Variants in MRE11 observed in about 807,000 individuals in gnomAD.
MRE11 encodes double-strand break repair protein MRE11.
MRE11 carries 62 observed loss-of-function variants against 91.7 expected under a neutral mutation model. That is an observed-to-expected ratio of 0.68 (90% CI 0.55 to 0.84). The LOEUF (loss-of-function observed/expected upper bound fraction) is 0.84. Among genes scored for constraint, MRE11 ranks in the 40% least tolerant of loss-of-function variants. The pLI is 0.00. For synonymous variants in MRE11, 273 were observed against 271.4 expected, an observed-to-expected ratio of 1.01 and a Z score of -0.06; for missense variants, 796 against 852.9, an observed-to-expected ratio of 0.93 and a Z score of 0.83.
intron 18 of MRE11, among the ~76,000 whole-genome samples, chr11:94,432,564 T>G (rs541744136): frequency 1.2e-4 from 18 of 152,226 alleles, no homozygotes; most frequent in African/African-American, 4.1e-4. Flanking sequence ...ATCCCAGCAC[T>G]TGGGAGGCCG....
At chr11:94,494,183 C>G (rs1268259273), upstream of MRE11, 1 of 152,202 alleles carries the variant, frequency 6.6e-6, no homozygotes, top group Non-Finnish European at 1.5e-5. Flanking sequence ...AGGACCGAAG[C>G]CGCTTCTCCG....
rs759510795 is a variant in MRE11, at chr11:94,486,076, A to G, written c.162T>C (p.Phe54=). The G allele has an allele frequency of 7.4e-6, 12 of 1,613,688 alleles. No individual in the cohort carries two copies. In the African/African-American group the frequency reaches 1.6e-4, roughly 22 times the overall value. ...LRLAQENEVD[F]ILLGGDLFHE... ...GAAAAAGATCACCACCTAACAAAAT[A>G]AAATCCACCTGATCAACAGAAAAAG... Residue 54 remains phenylalanine, a synonymous_variant, in exon 4 of 20, where the codon TTT becomes TTC. Transcript: ENST00000323929.
chr11:94,421,292 C>A (rs758565765), intron 19 of MRE11, among the ~76,000 whole-genome samples: 15 of 152,132 alleles, frequency 9.9e-5, no homozygotes, highest in Non-Finnish European at 1.5e-4. Context: ...TTATTTGATG[C>A]TAGGCTTTGT....
At chr11:94,467,665 C>T (rs1449698638) in intron 10 of MRE11, 148 bp downstream of exon 10, 1 of 671,378 alleles carries the variant, frequency 1.5e-6, no homozygotes, top group Non-Finnish European at 2.6e-6. Flanking sequence ...TAACTCAAAT[C>T]CTTATATCTT....
At chr11:94,466,001 A>C (rs1946551055) in intron 10 of MRE11, among the ~76,000 whole-genome samples, 2 of 152,176 alleles carry the variant, frequency 1.3e-5, no homozygotes, top group Admixed American at 1.3e-4. Flanking sequence ...ACAAAGGAAG[A>C]AGCATGTTCT....
At chr11:94,442,061 C>T (rs1266585339) in intron 16 of MRE11, among the ~76,000 whole-genome samples, 1 of 149,640 alleles carries the variant, frequency 6.7e-6, no homozygotes, top group African/African-American at 2.5e-5. Flanking sequence ...ATACAAGAGT[C>T]ATGTGAGGAG....
At chr11:94,447,467 C>T (rs1311477281) in intron 14 of MRE11, 29 bp from the exon 15 acceptor site, 2 of 1,593,080 alleles carry the variant, frequency 1.3e-6, no homozygotes, top group Non-Finnish European at 1.7e-6. Flanking sequence ...AGAAAGTACA[C>T]ACAATGAGAT....
chr11:94,447,665 CAA>C (rs56850566), intron 14 of MRE11, among the ~76,000 whole-genome samples: 7 of 48,976 alleles, frequency 1.4e-4, no homozygotes, highest in Admixed American at 2.2e-4. Context: ...CCCGTCTCTA[CAA>C]AAAAAAAAAA....
At chr11:94,501,901 C>A in the MRE11 span, among the ~76,000 whole-genome samples, 1 of 151,952 alleles carries the variant, frequency 6.6e-6, no homozygotes, top group African/African-American at 2.4e-5. Context: ...AAATAAATAT[C>A]AATATGAAAT....
At chr11:94,430,642 A>C (rs1292552297) in intron 18 of MRE11, among the ~76,000 whole-genome samples, 1 of 151,970 alleles carries the variant, frequency 6.6e-6, no homozygotes. Flanking sequence ...TTGTATTTTT[A>C]GTAGAGACGG....
intron 10 of MRE11, among the ~76,000 whole-genome samples, chr11:94,465,869 T>C (rs1194736339): frequency 6.6e-6 from 1 of 152,174 alleles, no homozygotes; most frequent in East Asian, 1.9e-4. Flanking sequence ...CAACCATAAA[T>C]AAATACAATC....
intron 4 of MRE11, among the ~76,000 whole-genome samples, chr11:94,485,665 G>A (rs1355055891): frequency 5.4e-5 from 8 of 149,158 alleles, no homozygotes; most frequent in Admixed American, 2.0e-4. Context: ...GGAGTGCAAT[G>A]GCACAATTTT....
chr11:94,436,431 A>G (rs760043543), intron 17 of MRE11, among the ~76,000 whole-genome samples: 2 of 152,226 alleles, frequency 1.3e-5, no homozygotes, highest in Admixed American at 6.5e-5. Flanking sequence ...TACATTTGCC[A>G]TATCTTCATC....
rs978608099 is a variant in MRE11 at position 94,445,899 on chromosome 11, A to G, written c.1784-6T>C. On this transcript the variant is annotated splice_region_variant and splice_polypyrimidine_tract_variant and intron_variant, in intron 15 of 19. Transcript: ENST00000323929. Reference sequence around the variant, plus strand: ...AGTCTCCAGACCAGTGTCTGCTGTTAGAAAAATGAACAGTCAATGTACAAG... The same window carrying G: ...AGTCTCCAGACCAGTGTCTGCTGTTGGAAAAATGAACAGTCAATGTACAAG... 12 of 1,608,560 alleles carry G rather than the reference A, an allele frequency of 7.5e-6. No individual in the cohort carries two copies. The highest frequency in any genetic ancestry group is 8.5e-6 in the Non-Finnish European group (10 of 1,175,012).
intron 6 of MRE11, 139 bp from the exon 7 acceptor site, chr11:94,476,542 T>C (rs1946863299): frequency 4.6e-6 from 3 of 645,196 alleles, no homozygotes; most frequent in Non-Finnish European, 5.4e-6. Context: ...TGGAATAATT[T>C]ATAAGTGGGT....
intron 7 of MRE11, 68 bp from the exon 8 acceptor site, chr11:94,471,827 A>C: frequency 8.0e-7 from 1 of 1,250,006 alleles, no homozygotes; most frequent in Non-Finnish European, 1.1e-6. Flanking sequence ...AAGTCTATAC[A>C]GATCTTTCTT....
Position 94,476,355 on chromosome 11 carries a change from AC to A in MRE11, c.592del (p.Val198Ter), listed in dbSNP as rs1359551200. On this transcript the variant is annotated frameshift_variant, in exon 7 of 20. Transcript: ENST00000323929. LOFTEE classifies it high-confidence loss of function. ...RLYRMFVNKKVTMLRPKEDEN... is the reference protein window; with the variant it reads ...RLYRMFVNKKXTMLRPKEDEN... ...ATCTTCCTTTGGTCTCAACATTGTTACTTTTTTATTGACAAACATTCGATAG... is the reference window on the plus strand; with the variant it reads ...ATCTTCCTTTGGTCTCAACATTGTTATTTTTTATTGACAAACATTCGATAG... 1.2e-6 allele frequency: 2 copies of A among 1,613,368 alleles called. No individual in the cohort carries two copies. The highest frequency in any genetic ancestry group is 8.5e-7 in the Non-Finnish European group (1 of 1,179,502).
intron 13 of MRE11, among the ~76,000 whole-genome samples, chr11:94,458,807 T>C (rs937832542): frequency 6.6e-6 from 1 of 152,206 alleles, no homozygotes; most frequent in African/African-American, 2.4e-5. Context: ...TAGCTATTTA[T>C]ATTTCTTTTA....
chr11:94,447,311 G>A lies in MRE11; in HGVS notation c.1691C>T (p.Ala564Val), dbSNP rs1416560770. Residue 564 changes from alanine (A) to valine (V), a missense_variant, in exon 15 of 20, where the codon GCA (alanine) becomes GTA (valine). Physicochemically the swap from Ala to Val is moderately conservative, Grantham distance 64 (BLOSUM62 0). Coordinates refer to ENST00000323929, the MANE Select transcript of MRE11 (RefSeq NM_005591.4). ...MANDSDDSIS[A>V]ATNKGRGRGR... ...TCGGCCTCTTCCTTTGTTGGTTGCT[G>A]CTGAGATGCTATCATCAGAGTCATT... 3 of 1,613,868 alleles carry A rather than the reference G, an allele frequency of 1.9e-6. No individual in the cohort carries two copies. In the African/African-American group the frequency reaches 4.0e-5, roughly 22 times the overall value.
Sources: allele counts gnomAD v4.1 joint callset (sites outside exome capture counted in the v4.1 genomes callset), GRCh38; gene constraint gnomAD v4.1.1; transcripts MANE v1.5; gene names NCBI Gene and HGNC (gene_info 2026-07-23, HGNC 2026-07-21).